DNAH17: variants seen among roughly 807,000 people sequenced by gnomAD.
DNAH17 encodes dynein axonemal heavy chain 17, also known as axonemal beta dynein heavy chain 17.
A neutral mutation model predicts 485.6 loss-of-function variants in DNAH17; 376 were observed. That is an observed-to-expected ratio of 0.77 (90% CI 0.71 to 0.84). The LOEUF is 0.84. Ranked by LOEUF, DNAH17 falls within the 40% of genes least tolerant of loss-of-function variation. The pLI is 0.00. For missense variants in DNAH17, 6,370 were observed against 5,839.3 expected (o/e 1.09, Z -2.96); for synonymous variants, 3,031 against 2,405.9 (o/e 1.26, Z -7.60).
At chr17:78,557,745 A>G (rs556892248) in intron 14 of DNAH17, among the ~76,000 whole-genome samples, 72 of 145,236 alleles carry the variant, frequency 5.0e-4, no homozygotes, top group African/African-American at 1.8e-3. Context: ...TGCTATTTGC[A>G]TGAATAATGA....
intron 79 of DNAH17, 36 bp from the exon 80 acceptor site, chr17:78,425,607 A>G: frequency 1.3e-6 from 2 of 1,553,460 alleles, no homozygotes; most frequent in Non-Finnish European, 1.7e-6. Flanking sequence ...AGGAGAGGAC[A>G]TAGAATGACA....
Position 78,484,984 on chromosome 17 carries a change from C to T in DNAH17, c.7533G>A (p.Pro2511=), listed in dbSNP as rs765021033. 4.3e-6 allele frequency: 7 copies of T among 1,613,222 alleles called. No individual in the cohort carries two copies. Among genetic ancestry groups the T allele is most frequent in the African/African-American group, 1.3e-5 (1 of 74,908 alleles). The part of the protein sequence containing the change: ...LEKKSGRNYG[P]PGTKKLVYFI... Reference sequence around the variant, plus strand: ...AGTAGACGAGCTTCTTAGTGCCTGGCGGCCCGTAGTTCCTCCCCGATTTCT... The same window carrying T: ...AGTAGACGAGCTTCTTAGTGCCTGGTGGCCCGTAGTTCCTCCCCGATTTCT... The change falls in exon 48 of 81, where the codon CCG becomes CCA. Residue 2511 remains proline, a synonymous_variant. Coordinates refer to ENST00000389840, the MANE Select transcript of DNAH17 (RefSeq NM_173628.4).
At chr17:78,551,406 AC>A (rs1373770812) in intron 16 of DNAH17, 128 bp downstream of exon 16, 1 of 738,992 alleles carries the variant, frequency 1.4e-6, no homozygotes, top group African/African-American at 1.8e-5. Flanking sequence ...GGTGGAGAGC[AC>A]TGCACGGCAG....
At chr17:78,454,173 C>T (rs2087682055) in intron 64 of DNAH17, among the ~76,000 whole-genome samples, 1 of 152,218 alleles carries the variant, frequency 6.6e-6, no homozygotes, top group Non-Finnish European at 1.5e-5. Context: ...GACCCAGGAA[C>T]ATGACCAGCC....
intron 69 of DNAH17, among the ~76,000 whole-genome samples, chr17:78,445,976 A>G (rs1011078673): frequency 1.3e-5 from 2 of 152,054 alleles, no homozygotes; most frequent in African/African-American, 4.8e-5. Flanking sequence ...GTTCGAGACC[A>G]GCCTGGCCAA....
At chr17:78,462,722 A>C in intron 57 of DNAH17, 122 bp downstream of exon 57, 1 of 902,590 alleles carries the variant, frequency 1.1e-6, no homozygotes, top group Admixed American at 2.4e-5. Flanking sequence ...AAGCGTGCTC[A>C]TCTTACTTTA....
intron 54 of DNAH17, among the ~76,000 whole-genome samples, chr17:78,474,130 A>G (rs1257554086): frequency 6.6e-6 from 1 of 151,946 alleles, no homozygotes; most frequent in Non-Finnish European, 1.5e-5. Context: ...GCCTGCAGAC[A>G]CCTCCCACTG....
At chr17:78,427,129 A>G in intron 77 of DNAH17, 21 bp from the exon 78 acceptor site, 1 of 1,558,478 alleles carries the variant, frequency 6.4e-7, no homozygotes, top group Non-Finnish European at 8.7e-7. Context: ...GTCCCCGGAC[A>G]GCCCCTGTCA....
At chr17:78,538,003 T>C (rs1465641605) in intron 18 of DNAH17, among the ~76,000 whole-genome samples, 1 of 151,932 alleles carries the variant, frequency 6.6e-6, no homozygotes, top group African/African-American at 2.4e-5. Context: ...TAGCTGGGCC[T>C]GGTGGTGGGT....
rs1568117373 is a variant in DNAH17 at position 78,478,011 on chromosome 17, T to TCAC, written c.7992+1013_7992+1014insGTG. 4.2e-3 allele frequency among the ~76,000 whole-genome samples: 354 copies of TCAC among 84,168 alleles called. 5 individuals are homozygous for TCAC. The highest frequency in any genetic ancestry group is 0.02 in the African/African-American group (321 of 15,908). 55.2% of individuals were successfully genotyped at this position (84,168 alleles called of 152,430 possible). ...ACCATCACCACCACCATCATCACCA[T>TCAC]CATCACCATCACCACCACCATCACA... On this transcript the variant is annotated intron_variant, in intron 51 of 80. Coordinates refer to ENST00000389840, the MANE Select transcript of DNAH17 (RefSeq NM_173628.4).
chr17:78,500,317 C>T lies in DNAH17; in HGVS notation c.5628G>A (p.Gln1876=), dbSNP rs1341231651. The T allele has an allele frequency of 1.9e-6, 3 of 1,611,804 alleles. No individual in the cohort carries two copies. The highest frequency in any genetic ancestry group is 1.7e-4 in the Middle Eastern group (1 of 6,058). ...CCCGGCCGCGTACCTTGTAGTCCAT[C>T]TGCTCGGAGCAGTTGAAGACGTAGA... is the stretch of plus-strand genomic sequence containing the variant. ...TMVYVFNCSE[Q]MDYKSCGNIY... The change falls in exon 36 of 81, where the codon CAG becomes CAA. Residue 1876 remains glutamine, a synonymous_variant. Transcript: ENST00000389840.
intron 12 of DNAH17, among the ~76,000 whole-genome samples, chr17:78,561,494 G>A (rs1472964738): frequency 1.3e-5 from 2 of 152,138 alleles, no homozygotes; most frequent in African/African-American, 2.4e-5. Context: ...CCAGGCTGGT[G>A]GGCAAGGGTG....
At chr17:78,531,249 T>C (rs7224744) in intron 20 of DNAH17, among the ~76,000 whole-genome samples, 84,181 of 151,770 alleles carry the variant, frequency 0.55, 23,788 homozygotes, top group Non-Finnish European at 0.61. Context: ...ATATGTAGAA[T>C]TGTTAAATCC....
intron 62 of DNAH17, among the ~76,000 whole-genome samples, chr17:78,458,243 T>C (rs1458066903): frequency 3.3e-5 from 5 of 152,230 alleles, no homozygotes; most frequent in Non-Finnish European, 7.3e-5. Context: ...GACTGTCCAC[T>C]GGCTGCGAAA....
chr17:78,534,195 C>A (rs150969873), intron 19 of DNAH17, among the ~76,000 whole-genome samples: 2 of 152,202 alleles, frequency 1.3e-5, no homozygotes, highest in African/African-American at 2.4e-5. Context: ...GGGTCAGGTA[C>A]CAGACAACTG....
intron 71 of DNAH17, among the ~76,000 whole-genome samples, chr17:78,443,214 C>T (rs2087140996): frequency 6.6e-6 from 1 of 152,206 alleles, no homozygotes; most frequent in Non-Finnish European, 1.5e-5. Flanking sequence ...CTCACCTCAT[C>T]CTCTAGACGA....
intron 27 of DNAH17, among the ~76,000 whole-genome samples, chr17:78,509,979 C>T (rs781634324): frequency 2.0e-4 from 30 of 152,000 alleles, no homozygotes; most frequent in African/African-American, 7.0e-4. Context: ...GTCAGGAGCT[C>T]GAGACCAGAC....
intron 26 of DNAH17, among the ~76,000 whole-genome samples, chr17:78,512,131 A>T (rs1462083277): frequency 2.0e-5 from 3 of 152,166 alleles, no homozygotes; most frequent in Non-Finnish European, 4.4e-5. Context: ...ACTTAATGAG[A>T]GATGGAGGGA....
At chr17:78,492,524 C>A in intron 42 of DNAH17, 109 bp downstream of exon 42, 1 of 1,485,302 alleles carries the variant, frequency 6.7e-7, no homozygotes, top group Non-Finnish European at 9.1e-7. Flanking sequence ...CCTGTGTGCC[C>A]CACCCTAGCC....
Sources: gnomAD v4.1 joint callset for allele counts (sites outside exome capture counted in the v4.1 genomes callset) on GRCh38, gnomAD v4.1.1 for gene constraint, MANE v1.5 for transcripts, NCBI Gene and HGNC (gene_info 2026-07-23, HGNC 2026-07-21) for gene names.